Variants in MAML3 observed in about 807,000 individuals in gnomAD.
The protein encoded by MAML3 is mastermind-like protein 3.
In MAML3, 27 loss-of-function variants were observed where a neutral mutation model predicts 101.9. The ratio of observed to expected loss-of-function variants is 0.27; its 90% CI spans 0.20 to 0.37. MAML3 has a LOEUF of 0.37. MAML3 is among the 10% of genes least tolerant of loss of function. The pLI is 1.00. For synonymous variants in MAML3, 501 were observed against 555.9 expected (o/e 0.90, Z 1.39); for missense variants, 1,316 against 1,444.9 (o/e 0.91, Z 1.45).
intron 2 of MAML3, among the ~76,000 whole-genome samples, chr4:139,857,821 G>A (rs1470172430): frequency 6.6e-6 from 1 of 152,094 alleles, no homozygotes; most frequent in Non-Finnish European, 1.5e-5. Flanking sequence ...CCTACTTCGG[G>A]CAAAACAGAC....
chr4:139,949,857 G>A (rs937891380), intron 1 of MAML3, among the ~76,000 whole-genome samples: 6 of 152,146 alleles, frequency 3.9e-5, no homozygotes, highest in South Asian at 2.1e-4. Flanking sequence ...TGTGATTAAC[G>A]TTGAAATTAG....
rs956095669 is a variant in MAML3 at position 139,785,597 on chromosome 4, C to T, written c.2080-54930G>A. ...TTGTTTGGAAAAATATCACCCAGCACGAACAATATGGCTCCCCAGCGCCTG... is the reference window on the plus strand; with the variant it reads ...TTGTTTGGAAAAATATCACCCAGCATGAACAATATGGCTCCCCAGCGCCTG... On this transcript the variant is annotated intron_variant, in intron 2 of 4. Transcript: ENST00000509479. This position sits in a 1 kb window ranked among gnomAD's most constrained non-coding sequence, Gnocchi z 4.3. Among the ~76,000 whole-genome samples, 1 of 152,102 alleles carries T rather than the reference C, an allele frequency of 6.6e-6. No homozygotes were observed. The highest frequency in any genetic ancestry group is 2.4e-5 in the African/African-American group (1 of 41,408).
intron 2 of MAML3, among the ~76,000 whole-genome samples, chr4:139,801,542 G>GTA (rs1730603332): frequency 1.3e-5 from 2 of 152,138 alleles, no homozygotes; most frequent in South Asian, 4.1e-4. Context: ...AAGCCATAAT[G>GTA]TATATCCTAG....
intron 2 of MAML3, among the ~76,000 whole-genome samples, chr4:139,829,133 A>G (rs1026249996): frequency 2.7e-5 from 4 of 148,058 alleles, no homozygotes; most frequent in Non-Finnish European, 6.0e-5. Flanking sequence ...GGAAGGAAGG[A>G]GTAAGGGAGG....
In MAML3 at chr4:139,793,481, G is replaced by C. The variant is rs1013509020; in HGVS notation, c.2080-62814C>G. Among the ~76,000 whole-genome samples, 21 of 152,048 alleles carry C rather than the reference G, an allele frequency of 1.4e-4. 1 individual carries two copies. Among genetic ancestry groups the C allele is most frequent in the African/African-American group, 4.8e-4 (20 of 41,384 alleles). ...AGTGGACACTCTCTCCCAAATCTTC[G>C]AATCTCAAGCAGATGGATGCAAGGA... On this transcript the variant is annotated intron_variant, in intron 2 of 4. Coordinates refer to ENST00000509479, the MANE Select transcript of MAML3 (RefSeq NM_018717.5).
At chr4:140,027,138 G>A (rs1312703631) in intron 1 of MAML3, among the ~76,000 whole-genome samples, 1 of 151,542 alleles carries the variant, frequency 6.6e-6, no homozygotes, top group African/African-American at 2.4e-5. Context: ...TCTATTATCT[G>A]TGACTCACAT....
intron 2 of MAML3, among the ~76,000 whole-genome samples, chr4:139,742,004 A>T (rs987589735): frequency 3.9e-5 from 6 of 152,214 alleles, no homozygotes; most frequent in South Asian, 2.1e-4. Flanking sequence ...GCATAAAAAT[A>T]AGTTTTAGAA....
At chr4:139,772,859 C>T (rs1730023685) in intron 2 of MAML3, among the ~76,000 whole-genome samples, 1 of 148,102 alleles carries the variant, frequency 6.8e-6, no homozygotes, top group Non-Finnish European at 1.5e-5. Context: ...GAGGGCAGAT[C>T]ACGAAGTCAG....
intron 2 of MAML3, among the ~76,000 whole-genome samples, chr4:139,746,610 CG>C (rs1420619766): frequency 6.6e-6 from 1 of 152,160 alleles, no homozygotes; most frequent in East Asian, 1.9e-4. Flanking sequence ...TCTCGCTCTG[CG>C]GGCCCCTCGT....
chr4:140,050,919 A>T (rs1182141891), intron 1 of MAML3, among the ~76,000 whole-genome samples: 1 of 152,238 alleles, frequency 6.6e-6, no homozygotes, highest in Non-Finnish European at 1.5e-5. Flanking sequence ...TTTGCTATAC[A>T]GGGAAAAATA....
At chr4:139,781,508 CATATATATATAT>C (rs10568513) in intron 2 of MAML3, among the ~76,000 whole-genome samples, 3 of 137,034 alleles carry the variant, frequency 2.2e-5, no homozygotes, top group African/African-American at 7.9e-5. Context: ...AGAGCATTTT[CATATATATATAT>C]ATATATATAT....
chr4:140,140,046 G>A (rs956355308), intron 1 of MAML3, among the ~76,000 whole-genome samples: 1 of 152,212 alleles, frequency 6.6e-6, no homozygotes, highest in African/African-American at 2.4e-5. Flanking sequence ...ATTTGGGGCC[G>A]GACGCGGTGG....
chr4:139,879,525 GAAA>G (rs5862443), intron 2 of MAML3, among the ~76,000 whole-genome samples: 2 of 115,656 alleles, frequency 1.7e-5, no homozygotes, highest in East Asian at 2.4e-4. Context: ...GGCTCTGACT[GAAA>G]AAAAAAAAAA....
rs1318740553 is a variant in MAML3, at chr4:140,153,280, A to G, written c.48T>C (p.Ile16=). 6.2e-7 allele frequency: 1 copy of G among 1,608,916 alleles called. No individual in the cohort carries two copies. Among genetic ancestry groups the G allele is most frequent in the African/African-American group, 1.3e-5 (1 of 74,824 alleles). The change falls in exon 1 of 5, where the codon ATT becomes ATC. Residue 16 remains isoleucine, a synonymous_variant. Coordinates refer to ENST00000509479, the MANE Select transcript of MAML3 (RefSeq NM_018717.5). ...TGCTGTTCAGGCTACTGTTGATGCA[A>G]ATACTACTGCCATTCGCGGCAGCAG... ...APAAAANGSS[I]CINSSLNSSL...
chr4:139,887,074 C>G (rs191457722), intron 2 of MAML3, among the ~76,000 whole-genome samples: 103 of 152,284 alleles, frequency 6.8e-4, no homozygotes, highest in Middle Eastern at 3.4e-3. Flanking sequence ...TGAACTAAAC[C>G]TATGTATAAT....
chr4:139,863,578 G>C (rs1731826721), intron 2 of MAML3, among the ~76,000 whole-genome samples: 1 of 151,908 alleles, frequency 6.6e-6, no homozygotes, highest in Admixed American at 6.6e-5. Context: ...TCGAACTCCT[G>C]ACCTTAGGTG....
At chr4:139,921,431 C>T (rs1733128509) in intron 1 of MAML3, among the ~76,000 whole-genome samples, 1 of 152,128 alleles carries the variant, frequency 6.6e-6, no homozygotes, top group Admixed American at 6.5e-5. Context: ...TTCACAAATT[C>T]AACACCACCA....
At chr4:139,870,966 G>C (rs1226176568) in intron 2 of MAML3, among the ~76,000 whole-genome samples, 1 of 152,100 alleles carries the variant, frequency 6.6e-6, no homozygotes, top group Non-Finnish European at 1.5e-5. Context: ...AACTACCTAG[G>C]GCTAACATGA....
chr4:139,808,785 G>A (rs866145999), intron 2 of MAML3, among the ~76,000 whole-genome samples: 38 of 152,254 alleles, frequency 2.5e-4, no homozygotes, highest in African/African-American at 9.1e-4. Flanking sequence ...ATGATATTCC[G>A]TATTATGCTT....
Sources: allele counts gnomAD v4.1 joint callset (sites outside exome capture counted in the v4.1 genomes callset), GRCh38; gene constraint gnomAD v4.1.1; non-coding constraint Gnocchi (gnomAD v3.1); transcripts MANE v1.5; gene names NCBI Gene and HGNC (gene_info 2026-07-23, HGNC 2026-07-21).